PDLIM5: variants seen among roughly 807,000 people sequenced by gnomAD.
The protein encoded by PDLIM5 is PDZ and LIM domain protein 5.
A neutral mutation model predicts 64.2 loss-of-function variants in PDLIM5; 34 were observed. The observed-to-expected ratio is 0.53, with a 90% CI of 0.40 to 0.71. The LOEUF is 0.71. PDLIM5 is among the 30% of genes least tolerant of loss of function. The pLI is 0.00. For missense variants in PDLIM5, 683 were observed against 733.6 expected, an observed-to-expected ratio of 0.93 and a Z score of 0.80; for synonymous variants, 253 against 269.1, an observed-to-expected ratio of 0.94 and a Z score of 0.59.
At chr4:94,573,789 C>G (rs1320887721) in intron 4 of PDLIM5, 3 of 189,286 alleles carry the variant, frequency 1.6e-5, no homozygotes, top group African/African-American at 4.7e-5. Flanking sequence ...TCAGAGTATT[C>G]TTAGGTTATT....
chr4:94,558,741 T>C (rs1733585821), intron 3 of PDLIM5, among the ~76,000 whole-genome samples: 1 of 152,070 alleles, frequency 6.6e-6, no homozygotes, highest in Admixed American at 6.6e-5. Flanking sequence ...CTTTTTTTTT[T>C]ATTCTAGCTG....
chr4:94,662,812 A>T (rs573430891), intron 12 of PDLIM5, among the ~76,000 whole-genome samples: 1 of 116,072 alleles, frequency 8.6e-6, no homozygotes, highest in African/African-American at 3.7e-5. Flanking sequence ...AAACAGTAAG[A>T]TTCCTTTACT....
intron 2 of PDLIM5, among the ~76,000 whole-genome samples, chr4:94,520,635 A>G (rs1471655477): frequency 2.0e-5 from 3 of 152,194 alleles, no homozygotes; most frequent in African/African-American, 7.2e-5. Flanking sequence ...AGGAGTATTT[A>G]GTTAAGTGCT....
intron 7 of PDLIM5, among the ~76,000 whole-genome samples, chr4:94,612,680 A>G (rs547805475): frequency 2.0e-5 from 3 of 152,246 alleles, no homozygotes; most frequent in African/African-American, 7.2e-5. Flanking sequence ...TGATATTGAG[A>G]GAGGGAAATG....
At chr4:94,525,884 A>G (rs1018046366) in intron 3 of PDLIM5, among the ~76,000 whole-genome samples, 3 of 152,206 alleles carry the variant, frequency 2.0e-5, no homozygotes, top group African/African-American at 4.8e-5. Flanking sequence ...TTATAAAAAA[A>G]TTTGTTTCAT....
intron 2 of PDLIM5, among the ~76,000 whole-genome samples, chr4:94,475,005 A>G (rs1725201609): frequency 6.6e-6 from 1 of 152,192 alleles, no homozygotes; most frequent in African/African-American, 2.4e-5. Context: ...CAGTTTTTCC[A>G]AATTATTTTT....
chr4:94,544,034 C>T (rs997283657), intron 3 of PDLIM5, among the ~76,000 whole-genome samples: 4 of 152,088 alleles, frequency 2.6e-5, no homozygotes, highest in African/African-American at 9.7e-5. Context: ...AGTTTACATT[C>T]CCACTAGCAG....
At chr4:94,561,086 G>T (rs1320671813) in intron 3 of PDLIM5, among the ~76,000 whole-genome samples, 1 of 152,144 alleles carries the variant, frequency 6.6e-6, no homozygotes, top group Non-Finnish European at 1.5e-5. Context: ...GTCAGTATTA[G>T]TGTCGGGTTT....
At chr4:94,619,593 T>G (rs1434603762) in intron 8 of PDLIM5, among the ~76,000 whole-genome samples, 1 of 151,308 alleles carries the variant, frequency 6.6e-6, no homozygotes, top group Admixed American at 6.6e-5. Flanking sequence ...TGAGCCAAGA[T>G]CACGCCACTG....
intron 3 of PDLIM5, among the ~76,000 whole-genome samples, chr4:94,548,005 C>T (rs1351300546): frequency 6.6e-6 from 1 of 152,130 alleles, no homozygotes; most frequent in Non-Finnish European, 1.5e-5. Flanking sequence ...CTGTTCCCAT[C>T]CTTATCTATC....
chr4:94,453,003 T>G (rs2126067665), intron 1 of PDLIM5, among the ~76,000 whole-genome samples: 1 of 152,328 alleles, frequency 6.6e-6, no homozygotes. Flanking sequence ...CAGGCCTTTT[T>G]TTTTGTCACT....
chr4:94,608,692 G>A (rs1738124241), intron 7 of PDLIM5, among the ~76,000 whole-genome samples: 2 of 152,110 alleles, frequency 1.3e-5, no homozygotes, highest in South Asian at 4.1e-4. Flanking sequence ...TTATTTTTAA[G>A]TGATTTTTCA....
chr4:94,494,765 T>C (rs2452558), intron 2 of PDLIM5, among the ~76,000 whole-genome samples: 28,154 of 151,424 alleles, frequency 0.19, 3,102 homozygotes, highest in Non-Finnish European at 0.25. Flanking sequence ...TCGTTGTTTT[T>C]TGTGACAGAG....
chr4:94,624,133 G>T (rs1014917976), intron 8 of PDLIM5, among the ~76,000 whole-genome samples: 1 of 151,284 alleles, frequency 6.6e-6, no homozygotes, highest in Non-Finnish European at 1.5e-5. Flanking sequence ...AACATAGCGG[G>T]ACCCCCATCT....
chr4:94,663,888 A>G lies in PDLIM5; in HGVS notation c.1702-90A>G, dbSNP rs544811045. ...TTTTGTCATATTATCCATTGGGGGG[A>G]AAAATCACTCTCTCCTTCTCCAGCA... On this transcript the variant is annotated intron_variant, in intron 12 of 12. Coordinates refer to ENST00000317968, the MANE Select transcript of PDLIM5 (RefSeq NM_006457.5). The G allele has an allele frequency of 7.3e-5, 100 of 1,370,128 alleles. No individual in the cohort carries two copies. In the East Asian group the frequency reaches 2.2e-3, roughly 31 times the overall value. 84.9% of individuals were successfully genotyped at this position (1,370,128 alleles called of 1,614,324 possible).
intron 2 of PDLIM5, chr4:94,456,797 T>C (rs1723412049): frequency 8.5e-7 from 1 of 1,178,222 alleles, no homozygotes; most frequent in Admixed American, 4.4e-5. Context: ...ATACTATTTT[T>C]GTGCCAGTCT....
intron 2 of PDLIM5, among the ~76,000 whole-genome samples, chr4:94,489,349 A>G (rs1042788682): frequency 3.3e-5 from 5 of 152,134 alleles, no homozygotes; most frequent in Non-Finnish European, 7.4e-5. Flanking sequence ...TTTGGAATGC[A>G]TATACATGTA....
intron 3 of PDLIM5, among the ~76,000 whole-genome samples, chr4:94,540,717 T>C (rs567320644): frequency 1.5e-4 from 23 of 152,322 alleles, no homozygotes; most frequent in South Asian, 1.4e-3. Flanking sequence ...CTTATTGTTA[T>C]TGTCTCTTTT....
chr4:94,549,375 G>C (rs1732601549), intron 3 of PDLIM5, among the ~76,000 whole-genome samples: 1 of 152,148 alleles, frequency 6.6e-6, no homozygotes, highest in African/African-American at 2.4e-5. Context: ...TAGGACGTCT[G>C]TAGGGTTATT....
Sources: gnomAD v4.1 joint callset for allele counts (sites outside exome capture counted in the v4.1 genomes callset) on GRCh38, gnomAD v4.1.1 for gene constraint, MANE v1.5 for transcripts, NCBI Gene and HGNC (gene_info 2026-07-23, HGNC 2026-07-21) for gene names.